The following SHISA9 variants were observed in gnomAD, a reference collection of about 807,000 sequenced individuals.
SHISA9 encodes shisa family member 9, also known as protein shisa-9.
Under a neutral mutation model 38.0 loss-of-function variants are expected in SHISA9, and 13 were observed. That is an observed-to-expected ratio of 0.34 (90% CI 0.22 to 0.54). SHISA9 has a LOEUF of 0.54. Among genes scored for constraint, SHISA9 ranks in the 20% least tolerant of loss-of-function variants. The pLI is 0.91. For missense variants in SHISA9, 538 were observed against 575.8 expected (o/e 0.93, Z 0.67); for synonymous variants, 275 against 242.0 (o/e 1.14, Z -1.27).
At chr16:13,500,650 T>C in the SHISA9 span, among the ~76,000 whole-genome samples, 2 of 106,234 alleles carry the variant, frequency 1.9e-5, no homozygotes, top group Admixed American at 2.1e-4. Flanking sequence ...GGCAGGGGGT[T>C]GGGGGAGAGA....
At chr16:13,176,781 G>T (rs1467427423) in intron 2 of SHISA9, among the ~76,000 whole-genome samples, 2 of 152,134 alleles carry the variant, frequency 1.3e-5, no homozygotes, top group Admixed American at 1.3e-4. Context: ...GTGGGTGGTA[G>T]GGTGGGCCGA....
chr16:13,372,862 C>G, the SHISA9 span, among the ~76,000 whole-genome samples: 1 of 151,898 alleles, frequency 6.6e-6, no homozygotes, highest in Non-Finnish European at 1.5e-5. Flanking sequence ...CTAAGAAGCC[C>G]TTTAAAACAC....
chr16:13,034,476 A>G (rs1354391661), intron 2 of SHISA9, among the ~76,000 whole-genome samples: 1 of 152,246 alleles, frequency 6.6e-6, no homozygotes, highest in Non-Finnish European at 1.5e-5. Flanking sequence ...GCCTTAGTCC[A>G]GAAGAAGCAA....
At chr16:13,472,605 G>A in the SHISA9 span, among the ~76,000 whole-genome samples, 1 of 151,796 alleles carries the variant, frequency 6.6e-6, no homozygotes, top group East Asian at 1.9e-4. Flanking sequence ...TGTTAGCCAG[G>A]AAGATCTTGA....
At chr16:13,391,805 A>C in the SHISA9 span, among the ~76,000 whole-genome samples, 1 of 152,192 alleles carries the variant, frequency 6.6e-6, no homozygotes, top group African/African-American at 2.4e-5. Flanking sequence ...ACTGCAGGTA[A>C]AGTAGCTCAA....
intron 2 of SHISA9, among the ~76,000 whole-genome samples, chr16:13,024,335 A>G (rs1043962974): frequency 1.3e-5 from 2 of 152,224 alleles, no homozygotes; most frequent in Non-Finnish European, 1.5e-5. Flanking sequence ...GGCTTCCAAC[A>G]GCCTGGTGCT....
At chr16:13,440,857 G>C in the SHISA9 span, among the ~76,000 whole-genome samples, 2 of 151,756 alleles carry the variant, frequency 1.3e-5, no homozygotes, top group Admixed American at 6.6e-5. Context: ...GGGAGGCAGA[G>C]ATTGCAGTGA....
chr16:12,997,870 A>G (rs1367147404), intron 2 of SHISA9, among the ~76,000 whole-genome samples: 2 of 152,166 alleles, frequency 1.3e-5, no homozygotes, highest in African/African-American at 2.4e-5. Context: ...ATATATCTCT[A>G]GATAATCATC....
At chr16:13,469,427 G>GAA in the SHISA9 span, among the ~76,000 whole-genome samples, 11 of 121,264 alleles carry the variant, frequency 9.1e-5, no homozygotes, top group African/African-American at 3.4e-4. Context: ...GAAAGAAAAA[G>GAA]AAAGAAAGAG....
At chr16:12,941,234 C>G (rs2071606860) in intron 2 of SHISA9, among the ~76,000 whole-genome samples, 1 of 152,080 alleles carries the variant, frequency 6.6e-6, no homozygotes, top group African/African-American at 2.4e-5. Flanking sequence ...GCCTGTAATC[C>G]TAGCTACCTG....
At chr16:13,458,188 C>A in the SHISA9 span, 2 of 191,000 alleles carry the variant, frequency 1.0e-5, no homozygotes, top group Non-Finnish European at 1.1e-5. Flanking sequence ...CCTATCAAAC[C>A]AAGCAGTATC....
intron 2 of SHISA9, among the ~76,000 whole-genome samples, chr16:12,997,283 C>T (rs1405984981): frequency 1.3e-5 from 2 of 151,950 alleles, no homozygotes; most frequent in Non-Finnish European, 2.9e-5. Context: ...TTGAATTCTT[C>T]CATGTTGCTG....
the SHISA9 span, among the ~76,000 whole-genome samples, chr16:13,358,079 G>A: frequency 6.6e-6 from 1 of 152,140 alleles, no homozygotes; most frequent in South Asian, 2.1e-4. Context: ...TCTGTGATGG[G>A]TACGGCCTCC....
chr16:13,537,100 A>G, the SHISA9 span, among the ~76,000 whole-genome samples: 16 of 152,168 alleles, frequency 1.1e-4, no homozygotes, highest in African/African-American at 3.6e-4. Flanking sequence ...TACATGCACA[A>G]AAATGTTTAA....
the SHISA9 span, among the ~76,000 whole-genome samples, chr16:13,355,745 G>T: frequency 6.6e-6 from 1 of 152,132 alleles, no homozygotes; most frequent in African/African-American, 2.4e-5. Flanking sequence ...AAAGGGACGG[G>T]CTTACCTTCC....
chr16:13,088,398 C>G (rs2073737604), intron 2 of SHISA9, among the ~76,000 whole-genome samples: 1 of 152,108 alleles, frequency 6.6e-6, no homozygotes, highest in Non-Finnish European at 1.5e-5. Context: ...TATAAATTAC[C>G]TTGGGCAATA....
intron 2 of SHISA9, among the ~76,000 whole-genome samples, chr16:13,140,419 C>T (rs2050392117): frequency 6.6e-6 from 1 of 151,982 alleles, no homozygotes; most frequent in Admixed American, 6.6e-5. Flanking sequence ...TCAGGTGATC[C>T]ACCTGCCTTG....
the SHISA9 span, among the ~76,000 whole-genome samples, chr16:13,374,893 G>C: frequency 1.3e-5 from 2 of 152,176 alleles, no homozygotes; most frequent in Non-Finnish European, 2.9e-5. Flanking sequence ...TTGTGGTTTT[G>C]AGTTGCATTT....
rs898265128 is a variant in SHISA9 at position 13,230,872 on chromosome 16, A to G, written c.896-4158A>G. Among the ~76,000 whole-genome samples, 6 of 152,144 alleles carry G rather than the reference A, an allele frequency of 3.9e-5. 1 individual carries two copies. The highest frequency in any genetic ancestry group is 1.4e-4 in the African/African-American group (6 of 41,432). ...TATAGGGTAACTTCCTGACATTGCC[A>G]TGGCATTTGTAAACTGTCATGGCGC... On this transcript the variant is annotated intron_variant, in intron 4 of 4. Transcript: ENST00000558583.
Sources: gnomAD v4.1 joint callset for allele counts (sites outside exome capture counted in the v4.1 genomes callset) on GRCh38, gnomAD v4.1.1 for gene constraint, MANE v1.5 for transcripts, NCBI Gene and HGNC (gene_info 2026-07-23, HGNC 2026-07-21) for gene names.